MYO3A: variants seen among roughly 807,000 people sequenced by gnomAD.
The protein encoded by MYO3A is myosin IIIA, also known as myosin-IIIa.
In MYO3A, 180 loss-of-function variants were observed where a neutral mutation model predicts 192.7. The observed-to-expected ratio is 0.93, with a 90% confidence interval of 0.83 to 1.06. The LOEUF is 1.06. MYO3A is among the 50% of genes least tolerant of loss of function. The pLI is 0.00. For missense variants in MYO3A, 1,896 were observed against 1,905.0 expected (o/e 1.00, Z 0.09); for synonymous variants, 628 against 645.3 (o/e 0.97, Z 0.41).
At chr10:26,086,152 G>A (rs1836292084) in intron 14 of MYO3A, among the ~76,000 whole-genome samples, 1 of 152,080 alleles carries the variant, frequency 6.6e-6, no homozygotes, top group Non-Finnish European at 1.5e-5. Context: ...ACATGGCTGG[G>A]AAGGCCTCAA....
At chr10:26,095,701 T>C (rs561804707) in intron 15 of MYO3A, among the ~76,000 whole-genome samples, 14 of 152,338 alleles carry the variant, frequency 9.2e-5, no homozygotes, top group Admixed American at 4.6e-4. Context: ...ATTCCCTTAA[T>C]GGCATTATTG....
chr10:26,055,590 G>A (rs930735270), intron 10 of MYO3A, among the ~76,000 whole-genome samples: 3 of 152,144 alleles, frequency 2.0e-5, no homozygotes, highest in Admixed American at 2.0e-4. Context: ...ACTTTTATGG[G>A]TTTTACCTCC....
At chr10:25,994,625 C>T (rs867626789) in intron 4 of MYO3A, among the ~76,000 whole-genome samples, 2 of 152,140 alleles carry the variant, frequency 1.3e-5, no homozygotes, top group Admixed American at 6.5e-5. Context: ...TACAACTTGG[C>T]ATGTTTTTGC....
chr10:25,979,274 G>T (rs748344134), intron 4 of MYO3A, among the ~76,000 whole-genome samples: 4 of 151,990 alleles, frequency 2.6e-5, no homozygotes, highest in African/African-American at 9.7e-5. Flanking sequence ...AAAATTTCCT[G>T]CTTTGGTTTT....
chr10:26,209,900 G>C (rs1189373821), intron 34 of MYO3A, among the ~76,000 whole-genome samples: 1 of 152,080 alleles, frequency 6.6e-6, no homozygotes, highest in Non-Finnish European at 1.5e-5. Context: ...TTCAAGACCA[G>C]CCGGGGTAAC....
chr10:25,950,549 G>GT lies in MYO3A; in HGVS notation c.-17-1541dup, dbSNP rs1329552406. ...TGAAACTAGTCAACATGGTTGTATG[G>GT]TTTTCTCAGTTATGGGCACAGATGT... On this transcript the variant is annotated intron_variant, in intron 2 of 34. Transcript: ENST00000642920. 2.6e-5 allele frequency among the ~76,000 whole-genome samples: 4 copies of GT among 152,242 alleles called. No homozygotes were observed. In the East Asian group the frequency reaches 7.7e-4, roughly 29 times the overall value.
chr10:26,033,200 A>G (rs570615413), intron 10 of MYO3A, among the ~76,000 whole-genome samples: 43 of 152,004 alleles, frequency 2.8e-4, no homozygotes, highest in Non-Finnish European at 5.7e-4. Flanking sequence ...CAGCCTCCCG[A>G]GTAGCTGTGA....
chr10:25,939,001 T>G (rs574778500), intron 2 of MYO3A, among the ~76,000 whole-genome samples: 1 of 152,294 alleles, frequency 6.6e-6, no homozygotes, highest in African/African-American at 2.4e-5. Flanking sequence ...GTTTAACTTA[T>G]GTACTCTCCT....
intron 10 of MYO3A, among the ~76,000 whole-genome samples, chr10:26,037,960 G>C (rs1380781376): frequency 1.3e-5 from 2 of 152,138 alleles, no homozygotes; most frequent in African/African-American, 4.8e-5. Flanking sequence ...ATGAGATTTG[G>C]GTCGGGGCAC....
chr10:26,131,861 T>A (rs1839553688), intron 20 of MYO3A, among the ~76,000 whole-genome samples: 1 of 152,196 alleles, frequency 6.6e-6, no homozygotes, highest in Admixed American at 6.5e-5. Context: ...TAGAAGATGA[T>A]CAGCCAAGAA....
chr10:25,950,871 G>A (rs77400617), intron 2 of MYO3A, among the ~76,000 whole-genome samples: 6,563 of 152,176 alleles, frequency 0.043, 179 homozygotes, highest in Middle Eastern at 0.068. Context: ...TGAAAAGAGT[G>A]TGGTTTGTAT....
At chr10:26,054,038 A>T (rs531453251) in intron 10 of MYO3A, among the ~76,000 whole-genome samples, 1 of 152,182 alleles carries the variant, frequency 6.6e-6, no homozygotes, top group African/African-American at 2.4e-5. Flanking sequence ...GCCAAGAGGG[A>T]TCGAGAAAGC....
intron 3 of MYO3A, 21 bp downstream of exon 3, chr10:25,952,299 C>T (rs1321418522): frequency 2.5e-6 from 4 of 1,605,444 alleles, no homozygotes; most frequent in East Asian, 4.5e-5. Flanking sequence ...TTTTTTCCTT[C>T]TAATTAGCTT....
chr10:26,081,514 T>C (rs1835957659), intron 14 of MYO3A, among the ~76,000 whole-genome samples: 1 of 152,180 alleles, frequency 6.6e-6, no homozygotes, highest in South Asian at 2.1e-4. Flanking sequence ...AGAAAAGTGC[T>C]TGGCTCTTCC....
intron 27 of MYO3A, 97 bp downstream of exon 27, chr10:26,166,275 T>C: frequency 9.3e-7 from 1 of 1,080,768 alleles, no homozygotes. Flanking sequence ...GGTTTTTTTA[T>C]GTTATAGAAT....
rs1038643007 is a variant in MYO3A, at chr10:26,072,394, C to T, written c.1359+1993C>T. 3.9e-5 allele frequency among the ~76,000 whole-genome samples: 6 copies of T among 152,238 alleles called. No individual in the cohort carries two copies. The East Asian group carries it at 9.7e-4, about 25-fold the overall frequency. ...TATTGCCAAAGAACTAGGCTTTAATCGGGTGCTGCACCCAGGAAATGGGAG... is the reference window on the plus strand; with the variant it reads ...TATTGCCAAAGAACTAGGCTTTAATTGGGTGCTGCACCCAGGAAATGGGAG... On this transcript the variant is annotated intron_variant, in intron 14 of 34. Transcript: ENST00000642920.
chr10:26,139,690 G>A (rs892344207), intron 20 of MYO3A, among the ~76,000 whole-genome samples: 3 of 151,958 alleles, frequency 2.0e-5, no homozygotes, highest in African/African-American at 2.4e-5. Context: ...ATCATTTGAG[G>A]TCAGGCGTTT....
At chr10:26,005,320 A>T (rs1841118577) in intron 6 of MYO3A, among the ~76,000 whole-genome samples, 1 of 152,174 alleles carries the variant, frequency 6.6e-6, no homozygotes, top group Non-Finnish European at 1.5e-5. Context: ...TCTTAAAAAA[A>T]AATGTTAAGT....
chr10:25,970,872 G>A (rs1009136798), intron 4 of MYO3A, among the ~76,000 whole-genome samples: 75 of 151,880 alleles, frequency 4.9e-4, no homozygotes, highest in African/African-American at 1.8e-3. Flanking sequence ...ACTGATATGA[G>A]AAGAAATAGA....
Sources: gnomAD v4.1 joint callset for allele counts (sites outside exome capture counted in the v4.1 genomes callset) on GRCh38, gnomAD v4.1.1 for gene constraint, MANE v1.5 for transcripts, NCBI Gene and HGNC (gene_info 2026-07-23, HGNC 2026-07-21) for gene names.